The following DENND1B variants were observed in gnomAD, a reference collection of about 807,000 sequenced individuals.
DENND1B encodes DENN domain containing 1B.
A neutral mutation model predicts 90.1 loss-of-function variants in DENND1B; 59 were observed. The observed-to-expected ratio is 0.65, with a 90% CI of 0.53 to 0.81. DENND1B has a LOEUF of 0.81. Ranked by LOEUF, DENND1B falls within the 40% of genes least tolerant of loss-of-function variation. The pLI is 0.00. For missense variants in DENND1B, 862 were observed against 912.6 expected (o/e 0.94, Z 0.71); for synonymous variants, 337 against 324.6 (o/e 1.04, Z -0.41).
At chr1:197,616,443 T>C (rs1030422496) in intron 11 of DENND1B, among the ~76,000 whole-genome samples, 1 of 151,070 alleles carries the variant, frequency 6.6e-6, no homozygotes, top group Non-Finnish European at 1.5e-5. Context: ...TCCTATAGTT[T>C]CCTGCCAAAC....
intron 7 of DENND1B, among the ~76,000 whole-genome samples, chr1:197,650,470 G>A (rs746651143): frequency 1.3e-5 from 2 of 152,158 alleles, no homozygotes; most frequent in African/African-American, 2.4e-5. Context: ...ATTCCTTAAA[G>A]AACTAAAAGT....
intron 11 of DENND1B, among the ~76,000 whole-genome samples, chr1:197,612,236 A>G (rs1281232101): frequency 6.6e-6 from 1 of 150,650 alleles, no homozygotes; most frequent in Non-Finnish European, 1.5e-5. Flanking sequence ...ATGCCTAAAA[A>G]GTTTGTTTGT....
intron 2 of DENND1B, among the ~76,000 whole-genome samples, chr1:197,729,052 CTA>C (rs1661911140): frequency 6.6e-6 from 1 of 152,040 alleles, no homozygotes; most frequent in African/African-American, 2.4e-5. Flanking sequence ...TTCTGAAATC[CTA>C]TGTTCACTTT....
intron 15 of DENND1B, among the ~76,000 whole-genome samples, chr1:197,566,200 T>C (rs1672646978): frequency 6.6e-6 from 1 of 152,170 alleles, no homozygotes; most frequent in Non-Finnish European, 1.5e-5. Context: ...TGTGAGATGG[T>C]ATCTCATTGT....
At chr1:197,751,535 C>A (rs1443663358) in intron 2 of DENND1B, among the ~76,000 whole-genome samples, 1 of 151,978 alleles carries the variant, frequency 6.6e-6, no homozygotes, top group African/African-American at 2.4e-5. Context: ...AAAATTAAAT[C>A]CAAAGTAGAA....
At chr1:197,707,208 A>G (rs894797748) in intron 3 of DENND1B, among the ~76,000 whole-genome samples, 5 of 152,174 alleles carry the variant, frequency 3.3e-5, no homozygotes, top group African/African-American at 1.2e-4. Context: ...AGCTTAAAAA[A>G]TTGATCTCAT....
At chr1:197,770,844 A>ATAAATATATATCTATAAATATATT (rs1656488928) in intron 2 of DENND1B, among the ~76,000 whole-genome samples, 1 of 95,340 alleles carries the variant, frequency 1.0e-5, no homozygotes, top group African/African-American at 3.4e-5. Context: ...ATAAATATAT[A>ATAAATATATATCTATAAATATATT]TAAATATATA....
intron 2 of DENND1B, among the ~76,000 whole-genome samples, chr1:197,749,513 A>G (rs1007193561): frequency 1.3e-5 from 2 of 152,116 alleles, no homozygotes; most frequent in Non-Finnish European, 2.9e-5. Flanking sequence ...ATGCTGAAAG[A>G]AAAAAACTAG....
chr1:197,693,106 A>G (rs1658073042), intron 3 of DENND1B, among the ~76,000 whole-genome samples: 1 of 151,632 alleles, frequency 6.6e-6, no homozygotes, highest in African/African-American at 2.4e-5. Context: ...TTATTAACAC[A>G]TCAATAACTA....
At chr1:197,736,855 G>C (rs1430397571) in intron 2 of DENND1B, among the ~76,000 whole-genome samples, 1 of 152,048 alleles carries the variant, frequency 6.6e-6, no homozygotes, top group African/African-American at 2.4e-5. Context: ...CACTCATTCT[G>C]AAAACAGCTT....
chr1:197,620,081 A>C (rs1226786205), intron 10 of DENND1B, among the ~76,000 whole-genome samples: 1 of 151,332 alleles, frequency 6.6e-6, no homozygotes, highest in Non-Finnish European at 1.5e-5. Flanking sequence ...CTGCTTTGGC[A>C]AATATTTATT....
intron 15 of DENND1B, among the ~76,000 whole-genome samples, chr1:197,576,784 T>C (rs1054746763): frequency 4.6e-5 from 7 of 152,074 alleles, no homozygotes. Flanking sequence ...CAATGAAAGG[T>C]AGAAAAGGTT....
chr1:197,742,319 TCTA>T lies in DENND1B; in HGVS notation c.83-27248_83-27246del, dbSNP rs1489887362. On this transcript the variant is annotated intron_variant, in intron 2 of 22. Transcript: ENST00000620048. ...AATTTTTATACTTTAGTCTCATATT[TCTA>T]CTGTGTGCTTTGTGGAACAAGACAC... Among the ~76,000 whole-genome samples, 7 of 152,328 alleles carry T rather than the reference TCTA, an allele frequency of 4.6e-5. No individual in the cohort carries two copies. In the East Asian group the frequency reaches 1.3e-3, roughly 29 times the overall value.
intron 20 of DENND1B, among the ~76,000 whole-genome samples, chr1:197,520,258 C>T (rs1476568414): frequency 6.6e-6 from 1 of 151,754 alleles, no homozygotes; most frequent in Admixed American, 6.6e-5. Context: ...TGAAGCATAA[C>T]AAAATAAATG....
chr1:197,517,632 G>A (rs549617520), intron 20 of DENND1B, among the ~76,000 whole-genome samples: 1 of 151,858 alleles, frequency 6.6e-6, no homozygotes, highest in African/African-American at 2.4e-5. Context: ...TGCTGACAGA[G>A]TGATCTTTTT....
chr1:197,531,230 G>A (rs920815857), intron 20 of DENND1B, among the ~76,000 whole-genome samples: 3 of 152,202 alleles, frequency 2.0e-5, no homozygotes, highest in African/African-American at 7.2e-5. Context: ...CAGGTCTTCT[G>A]AGGCTGCTCT....
At chr1:197,620,887 G>A (rs919389917) in intron 10 of DENND1B, among the ~76,000 whole-genome samples, 5 of 151,298 alleles carry the variant, frequency 3.3e-5, no homozygotes, top group Non-Finnish European at 7.4e-5. Context: ...GAAACCTAAA[G>A]TAGGGAGTGA....
At chr1:197,642,899 A>C in intron 9 of DENND1B, 78 bp from the exon 10 acceptor site, 2 of 911,642 alleles carry the variant, frequency 2.2e-6, no homozygotes, top group Non-Finnish European at 3.4e-6. Context: ...ACTTACCAGA[A>C]AGTCTTGAAG....
chr1:197,714,748 G>A (rs1031432587), intron 3 of DENND1B, among the ~76,000 whole-genome samples: 1 of 151,944 alleles, frequency 6.6e-6, no homozygotes, highest in Admixed American at 6.6e-5. Context: ...CAAATATATA[G>A]TCTATAGATA....
Sources: allele counts gnomAD v4.1 joint callset (sites outside exome capture counted in the v4.1 genomes callset), GRCh38; gene constraint gnomAD v4.1.1; transcripts MANE v1.5; gene names NCBI Gene and HGNC (gene_info 2026-07-23, HGNC 2026-07-21).